Variants in PPP2R3A observed in about 807,000 individuals in gnomAD.
The protein encoded by PPP2R3A is protein phosphatase 2 regulatory subunit B''alpha, also known as serine/threonine-protein phosphatase 2A regulatory subunit B'' subunit alpha.
Under a neutral mutation model 106.9 loss-of-function variants are expected in PPP2R3A, and 80 were observed. That is an observed-to-expected ratio of 0.75 (90% CI 0.62 to 0.90). PPP2R3A has a LOEUF of 0.90. Ranked by LOEUF, PPP2R3A falls within the 40% of genes least tolerant of loss-of-function variation. The pLI is 0.00. For missense variants in PPP2R3A, 1,386 were observed against 1,350.4 expected (o/e 1.03, Z -0.41); for synonymous variants, 483 against 468.3 (o/e 1.03, Z -0.41).
At chr3:135,976,803 A>G (rs1473442005) in intron 1 of PPP2R3A, among the ~76,000 whole-genome samples, 1 of 152,144 alleles carries the variant, frequency 6.6e-6, no homozygotes, top group East Asian at 1.9e-4. Context: ...ACTTTTTAAT[A>G]CTATTTTTAA....
intron 1 of PPP2R3A, among the ~76,000 whole-genome samples, chr3:135,967,361 G>A (rs948533539): frequency 1.3e-5 from 2 of 152,200 alleles, no homozygotes; most frequent in Admixed American, 6.5e-5. Context: ...ACATTGAGCA[G>A]TTAAAGATTT....
intron 12 of PPP2R3A, among the ~76,000 whole-genome samples, chr3:136,105,502 G>A (rs1213503692): frequency 2.0e-5 from 3 of 152,114 alleles, no homozygotes; most frequent in Non-Finnish European, 4.4e-5. Context: ...TGGTATGCCT[G>A]CATTCTCAAC....
chr3:136,131,587 T>C (rs1938418640), intron 13 of PPP2R3A, among the ~76,000 whole-genome samples: 3 of 152,190 alleles, frequency 2.0e-5, no homozygotes, highest in Admixed American at 1.3e-4. Flanking sequence ...AGTTGAACCA[T>C]TGTGGAAGAC....
At chr3:136,113,868 G>A (rs552085225) in intron 13 of PPP2R3A, among the ~76,000 whole-genome samples, 2 of 151,774 alleles carry the variant, frequency 1.3e-5, no homozygotes, top group Non-Finnish European at 2.9e-5. Flanking sequence ...TAACATTCTC[G>A]ACATAGGCCT....
chr3:135,993,868 AAGATCT>A (rs2107777240), intron 1 of PPP2R3A, among the ~76,000 whole-genome samples: 1 of 152,322 alleles, frequency 6.6e-6, no homozygotes, highest in Admixed American at 6.5e-5. Flanking sequence ...TGCTAATATG[AAGATCT>A]AGAACTGGCG....
At chr3:136,075,103 G>A (rs1374477068) in intron 6 of PPP2R3A, among the ~76,000 whole-genome samples, 1 of 152,106 alleles carries the variant, frequency 6.6e-6, no homozygotes, top group African/African-American at 2.4e-5. Context: ...ATATGACAGA[G>A]CCATCAAACA....
At chr3:135,966,328 C>A (rs946994908) in intron 1 of PPP2R3A, among the ~76,000 whole-genome samples, 2 of 152,212 alleles carry the variant, frequency 1.3e-5, no homozygotes, top group African/African-American at 4.8e-5. Flanking sequence ...CCTGCCCAAC[C>A]TCGGCCCGAC....
At chr3:136,128,575 C>A (rs1938276258) in intron 13 of PPP2R3A, among the ~76,000 whole-genome samples, 1 of 152,198 alleles carries the variant, frequency 6.6e-6, no homozygotes, top group Non-Finnish European at 1.5e-5. Flanking sequence ...TAGTGGGACA[C>A]TTTAACACCC....
At chr3:136,090,403 C>A (rs1352609954) in intron 9 of PPP2R3A, among the ~76,000 whole-genome samples, 175 bp from the exon 10 acceptor site, 1 of 152,166 alleles carries the variant, frequency 6.6e-6, no homozygotes, top group Non-Finnish European at 1.5e-5. Context: ...TCTGGTTTCA[C>A]CCTCTAGACC....
At chr3:136,085,682 T>C (rs2107936207) in intron 8 of PPP2R3A, among the ~76,000 whole-genome samples, 1 of 152,370 alleles carries the variant, frequency 6.6e-6, no homozygotes, top group Middle Eastern at 3.4e-3. Context: ...TGTTGATTTT[T>C]AAATGATACT....
chr3:136,121,475 A>G (rs1189455837), intron 13 of PPP2R3A, among the ~76,000 whole-genome samples: 3 of 152,156 alleles, frequency 2.0e-5, no homozygotes, highest in Non-Finnish European at 2.9e-5. Flanking sequence ...AAAGCTACCT[A>G]TCAAGTACTG....
At chr3:135,966,104 G>T (rs1156773446) in intron 1 of PPP2R3A, among the ~76,000 whole-genome samples, 1 of 152,072 alleles carries the variant, frequency 6.6e-6, no homozygotes, top group African/African-American at 2.4e-5. Flanking sequence ...CACCAGGGAG[G>T]TGTGGAAATT....
intron 5 of PPP2R3A, among the ~76,000 whole-genome samples, chr3:136,059,014 A>G (rs2107883462): frequency 6.6e-6 from 1 of 152,318 alleles, no homozygotes; most frequent in Non-Finnish European, 1.5e-5. Context: ...ACGTAAATGT[A>G]AAACGCAAAA....
intron 6 of PPP2R3A, 132 bp downstream of exon 6, chr3:136,070,684 C>A: frequency 1.5e-6 from 1 of 651,002 alleles, no homozygotes; most frequent in Non-Finnish European, 2.3e-6. Flanking sequence ...TGGAAGGAAG[C>A]TAAAATAAAA....
At position 136,078,444 on chromosome 3, in the gene PPP2R3A, C is replaced by T. The variant is rs1192458550; in HGVS notation, c.2622C>T (p.Asn874=). 3 of 1,592,876 alleles carry T rather than the reference C, an allele frequency of 1.9e-6. No homozygotes were observed. Among genetic ancestry groups the T allele is most frequent in the Admixed American group, 3.4e-5 (2 of 59,582 alleles). Residue 874 remains asparagine (N), a synonymous_variant, in exon 7 of 14, where the codon AAC becomes AAT. Coordinates refer to ENST00000264977, the MANE Select transcript of PPP2R3A (RefSeq NM_002718.5). ...KITSTEIRKS[N]FLQTLALLEE... ...CTTCGACAGAGATAAGAAAAAGCAA[C>T]TTTTTGCAAGTATGCCTTTCATTAG...
chr3:135,974,463 C>T (rs1576403395), intron 1 of PPP2R3A, among the ~76,000 whole-genome samples: 1 of 152,324 alleles, frequency 6.6e-6, no homozygotes, highest in Non-Finnish European at 1.5e-5. Context: ...CACTCAGAGG[C>T]TTTACACTTT....
Position 136,087,903 on chromosome 3 carries a change from G to T in PPP2R3A, c.2809G>T (p.Glu937Ter). The T allele has an allele frequency of 6.2e-7, 1 of 1,609,824 alleles. No individual in the cohort carries two copies. Among genetic ancestry groups the T allele is most frequent in the Non-Finnish European group, 8.5e-7 (1 of 1,177,224 alleles). ...NDQASSSRII[E>*]RIFSGAVTRG... is the part of the protein sequence containing the mutation. ...TTTAGCTTCATCAAGCAGGATTATTGAAAGGATATTCTCTGGTGCAGTAAC... is the reference window on the plus strand; with the variant it reads ...TTTAGCTTCATCAAGCAGGATTATTTAAAGGATATTCTCTGGTGCAGTAAC... Residue 937 changes from glutamate (E) to a stop codon, truncating the protein, a stop_gained, in exon 9 of 14, where the codon GAA (glutamate) becomes TAA (stop). Coordinates refer to ENST00000264977, the MANE Select transcript of PPP2R3A (RefSeq NM_002718.5). LOFTEE classifies it high-confidence loss of function.
chr3:136,109,935 C>A (rs930638859), intron 13 of PPP2R3A, among the ~76,000 whole-genome samples: 3 of 151,910 alleles, frequency 2.0e-5, no homozygotes, highest in African/African-American at 7.3e-5. Context: ...AAACCAATAG[C>A]AAGAAGAAGA....
rs1411043287 is a variant in PPP2R3A at position 136,002,702 on chromosome 3, C to T, written c.1204C>T (p.Pro402Ser). Residue 402 changes from proline (P) to serine (S), a missense_variant, in exon 2 of 14, where the codon CCT (proline) becomes TCT (serine). Physicochemically the swap from Pro to Ser is moderately conservative, Grantham distance 74 (BLOSUM62 -1). Coordinates refer to ENST00000264977, the MANE Select transcript of PPP2R3A (RefSeq NM_002718.5). The part of the protein sequence containing the change: ...QVQSQSLTMN[P>S]LENVSSDDLM... The stretch of plus-strand genomic sequence containing the variant: ...CCAATCACAGTCATTAACCATGAAT[C>T]CTTTAGAAAATGTTTCTTCTGACGA... The T allele has an allele frequency of 1.2e-6, 2 of 1,613,130 alleles. No homozygotes were observed. Among genetic ancestry groups the T allele is most frequent in the Non-Finnish European group, 1.7e-6 (2 of 1,179,534 alleles).
Sources: allele counts gnomAD v4.1 joint callset (sites outside exome capture counted in the v4.1 genomes callset), GRCh38; gene constraint gnomAD v4.1.1; transcripts MANE v1.5; gene names NCBI Gene and HGNC (gene_info 2026-07-23, HGNC 2026-07-21).